Variants in RORA observed in about 807,000 individuals in gnomAD.
RORA encodes the protein nuclear receptor ROR-alpha.
A neutral mutation model predicts 69.5 loss-of-function variants in RORA; 7 were observed. The observed-to-expected ratio is 0.10, with a 90% CI of 0.06 to 0.19. The LOEUF (loss-of-function observed/expected upper bound fraction) is 0.19, where lower values mean the gene tolerates loss of function less well. Among genes scored for constraint, RORA ranks in the 10% least tolerant of loss-of-function variants. RORA has a pLI of 1.00. For missense variants in RORA, 457 were observed against 663.0 expected, an observed-to-expected ratio of 0.69 and a Z score of 3.41; for synonymous variants, 261 against 240.8, an observed-to-expected ratio of 1.08 and a Z score of -0.78.
chr15:60,570,740 C>G (rs182241325), intron 2 of RORA, among the ~76,000 whole-genome samples: 244 of 152,272 alleles, frequency 1.6e-3, no homozygotes, highest in Non-Finnish European at 2.9e-3. Flanking sequence ...CAGGTGCCGT[C>G]ATAGATTCAA....
chr15:61,119,092 G>C lies in RORA; in HGVS notation c.166+109961C>G, dbSNP rs1027917048. ...ATGCAGTTAACAGAAGGGGGGGGGG[G>C]GCGCCATGGAGCAGTCGTGTGAGCC... On this transcript the variant is annotated intron_variant, in intron 1 of 10. Coordinates refer to ENST00000335670, the MANE Select transcript of RORA (RefSeq NM_134261.3). Among the ~76,000 whole-genome samples, 94 of 146,158 alleles carry C rather than the reference G, an allele frequency of 6.4e-4. 3 individuals are homozygous for C. The highest frequency in any genetic ancestry group is 2.3e-3 in the African/African-American group (88 of 38,664).
rs760907029 is a variant in RORA, at chr15:60,908,498, CA to C, written c.167-229813del. On this transcript the variant is annotated intron_variant, in intron 1 of 10. Transcript: ENST00000335670. ...TTTTCAAATCTGTAGAAAATGAGTA[CA>C]GGGGTAGGCGGCACTATTAGTGCTA... Among the ~76,000 whole-genome samples the C allele has an allele frequency of 8.5e-5, 13 of 152,138 alleles. No homozygotes were observed. In the East Asian group the frequency reaches 1.4e-3, roughly 16 times the overall value.
intron 2 of RORA, chr15:60,614,785 A>C: frequency 1.2e-6 from 1 of 816,436 alleles, no homozygotes; most frequent in Non-Finnish European, 1.9e-6. Flanking sequence ...TAATATTTAT[A>C]GTAATCATAA....
intron 1 of RORA, among the ~76,000 whole-genome samples, chr15:61,059,454 G>A (rs1252301045): frequency 6.6e-6 from 1 of 152,214 alleles, no homozygotes; most frequent in Non-Finnish European, 1.5e-5. Flanking sequence ...TAAGTTCCCT[G>A]AGTAGCATAG....
chr15:61,017,738 T>C (rs1478149974), intron 1 of RORA, among the ~76,000 whole-genome samples: 1 of 152,150 alleles, frequency 6.6e-6, no homozygotes, highest in Non-Finnish European at 1.5e-5. Flanking sequence ...GTCTTGTGCT[T>C]TCCATTTTCA....
intron 1 of RORA, among the ~76,000 whole-genome samples, chr15:60,976,627 G>C (rs1893879532): frequency 6.6e-6 from 1 of 152,088 alleles, no homozygotes; most frequent in Non-Finnish European, 1.5e-5. Flanking sequence ...GGCAGCCCTG[G>C]TCAATCCCAA....
intron 5 of RORA, 28 bp from the exon 6 acceptor site, chr15:60,505,657 A>T (rs375217357): frequency 2.5e-6 from 4 of 1,609,380 alleles, no homozygotes; most frequent in Non-Finnish European, 3.4e-6. Flanking sequence ...GATCACAAAC[A>T]CGAAAAGCGA....
At chr15:60,896,912 C>T (rs965646763) in intron 1 of RORA, among the ~76,000 whole-genome samples, 2 of 152,050 alleles carry the variant, frequency 1.3e-5, no homozygotes, top group Non-Finnish European at 2.9e-5. Context: ...TTGGGTAGTA[C>T]TCAATAAGAA....
At chr15:60,835,169 G>C (rs1055407288) in intron 1 of RORA, among the ~76,000 whole-genome samples, 2 of 152,296 alleles carry the variant, frequency 1.3e-5, no homozygotes, top group Admixed American at 6.5e-5. Flanking sequence ...TTTGGCTGCT[G>C]TCTTGGCTGC....
chr15:61,145,688 A>G (rs1281777947), intron 1 of RORA, among the ~76,000 whole-genome samples: 1 of 152,172 alleles, frequency 6.6e-6, no homozygotes, highest in Non-Finnish European at 1.5e-5. Flanking sequence ...CAATCCACTC[A>G]TAACCCTTTT....
At position 60,712,457 on chromosome 15, in the gene RORA, G is replaced by A. The variant is rs200631979; in HGVS notation, c.167-33771C>T. Among the ~76,000 whole-genome samples the A allele has an allele frequency of 2.6e-5, 4 of 152,248 alleles. No homozygotes were observed. In the East Asian group the frequency reaches 7.7e-4, roughly 29 times the overall value. On this transcript the variant is annotated intron_variant, in intron 1 of 10. Coordinates refer to ENST00000335670, the MANE Select transcript of RORA (RefSeq NM_134261.3). ...CCACAGCACTCTCTATTGTCTAGTGGAACTAAGGTCATGTGTCAGTTGCCA... is the reference window on the plus strand; with the variant it reads ...CCACAGCACTCTCTATTGTCTAGTGAAACTAAGGTCATGTGTCAGTTGCCA...
intron 2 of RORA, among the ~76,000 whole-genome samples, chr15:60,672,013 A>T (rs2070480856): frequency 6.6e-6 from 1 of 152,138 alleles, no homozygotes; most frequent in Non-Finnish European, 1.5e-5. Context: ...CCTGAGACCA[A>T]GAGGTTGAGG....
intron 1 of RORA, among the ~76,000 whole-genome samples, chr15:61,083,127 G>C (rs1054194790): frequency 6.6e-6 from 1 of 152,188 alleles, no homozygotes; most frequent in African/African-American, 2.4e-5. Context: ...GAGGACAAGG[G>C]CTGCGCCTGA....
At chr15:61,186,555 T>C (rs2079743449) in intron 1 of RORA, among the ~76,000 whole-genome samples, 1 of 141,878 alleles carries the variant, frequency 7.0e-6, no homozygotes, top group African/African-American at 2.6e-5. Flanking sequence ...GCAGGAGAAT[T>C]GCCTGAACCG....
chr15:60,993,353 G>T (rs972893535), intron 1 of RORA, among the ~76,000 whole-genome samples: 1 of 152,080 alleles, frequency 6.6e-6, no homozygotes, highest in African/African-American at 2.4e-5. Flanking sequence ...AACGACCTGG[G>T]ATCGGCTGGG....
intron 1 of RORA, among the ~76,000 whole-genome samples, chr15:61,217,614 A>G (rs1203935131): frequency 3.3e-5 from 5 of 152,124 alleles, no homozygotes; most frequent in Non-Finnish European, 7.4e-5. Flanking sequence ...CCACCACTCA[A>G]ATATAAGATC....
chr15:60,635,827 G>A (rs2069827332), intron 2 of RORA, among the ~76,000 whole-genome samples: 1 of 152,136 alleles, frequency 6.6e-6, no homozygotes, highest in Non-Finnish European at 1.5e-5. Context: ...AAAAAATGCT[G>A]CACTCTTGTC....
intron 1 of RORA, among the ~76,000 whole-genome samples, chr15:60,887,840 T>C (rs1191860918): frequency 7.2e-5 from 11 of 152,160 alleles, no homozygotes; most frequent in Non-Finnish European, 1.6e-4. Flanking sequence ...GTTCCAGCAA[T>C]GGTATTTTGT....
At chr15:60,829,502 A>T (rs2073012143) in intron 1 of RORA, among the ~76,000 whole-genome samples, 1 of 152,122 alleles carries the variant, frequency 6.6e-6, no homozygotes, top group Non-Finnish European at 1.5e-5. Context: ...GTCCCACAGG[A>T]TCCCCACATT....
Sources: gnomAD v4.1 joint callset for allele counts (sites outside exome capture counted in the v4.1 genomes callset) on GRCh38, gnomAD v4.1.1 for gene constraint, MANE v1.5 for transcripts, NCBI Gene and HGNC (gene_info 2026-07-23, HGNC 2026-07-21) for gene names.